The following ITPR1 variants were observed in gnomAD, a reference collection of about 807,000 sequenced individuals.
ITPR1 encodes the protein inositol 1,4,5-trisphosphate receptor type 1, also known as inositol 1,4,5-trisphosphate-gated calcium channel ITPR1.
In ITPR1, 96 loss-of-function variants were observed where a neutral mutation model predicts 318.4. The observed-to-expected ratio is 0.30, with a 90% confidence interval of 0.26 to 0.36. ITPR1 has a LOEUF of 0.36. ITPR1 is among the 10% of genes least tolerant of loss of function. The pLI is 1.00. For synonymous variants in ITPR1, 1,312 were observed against 1,289.9 expected, an observed-to-expected ratio of 1.02 and a Z score of -0.37; for missense variants, 2,440 against 3,460.2, an observed-to-expected ratio of 0.71 and a Z score of 7.40.
At chr3:4,687,855 G>T (rs1266488503) in intron 30 of ITPR1, among the ~76,000 whole-genome samples, 1 of 152,158 alleles carries the variant, frequency 6.6e-6, no homozygotes, top group Non-Finnish European at 1.5e-5. Context: ...GATGATAGAG[G>T]AGTTACGGCA....
intron 34 of ITPR1, among the ~76,000 whole-genome samples, chr3:4,698,061 G>T (rs561777487): frequency 3.3e-5 from 5 of 151,574 alleles, no homozygotes; most frequent in Non-Finnish European, 7.4e-5. Flanking sequence ...ATTTGGTTTT[G>T]CATTGGGCCT....
rs755515541 is a variant in ITPR1, at chr3:4,735,387, C to T, written c.5544+33C>T. The T allele has an allele frequency of 5.8e-6, 9 of 1,563,358 alleles. No individual in the cohort carries two copies. The East Asian group carries it at 1.8e-4, about 31-fold the overall frequency. On this transcript the variant is annotated intron_variant, in intron 44 of 61. Transcript: ENST00000649015. ...GGCAGCTTGGCTACTGGTATGGCAT[C>T]CCTGCTGAGCAGGAGGAGAGTCTGT... is the stretch of plus-strand genomic sequence containing the variant.
intron 3 of ITPR1, among the ~76,000 whole-genome samples, chr3:4,518,170 T>C (rs1428719502): frequency 6.6e-6 from 1 of 152,156 alleles, no homozygotes; most frequent in Non-Finnish European, 1.5e-5. Context: ...CCCTCCTCCT[T>C]GACTGTGCAC....
intron 35 of ITPR1, among the ~76,000 whole-genome samples, chr3:4,700,405 A>C (rs1191227262): frequency 6.6e-6 from 1 of 152,228 alleles, no homozygotes; most frequent in Non-Finnish European, 1.5e-5. Flanking sequence ...ACTGGCACTG[A>C]GTTGCTAATT....
intron 10 of ITPR1, among the ~76,000 whole-genome samples, chr3:4,651,315 G>A (rs2093594464): frequency 6.6e-6 from 1 of 152,160 alleles, no homozygotes; most frequent in Non-Finnish European, 1.5e-5. Context: ...AGTTCTGTAT[G>A]CATTAGTACC....
chr3:4,626,310 A>G (rs913396721), intron 4 of ITPR1, among the ~76,000 whole-genome samples: 2 of 152,216 alleles, frequency 1.3e-5, no homozygotes, highest in African/African-American at 2.4e-5. Flanking sequence ...AGATTAAACA[A>G]TAATGTACCC....
chr3:4,813,138 C>T lies in ITPR1; in HGVS notation c.7469-4C>T, dbSNP rs781760965. On this transcript the variant is annotated splice_region_variant and splice_polypyrimidine_tract_variant and intron_variant, in intron 56 of 61. Transcript: ENST00000649015. The stretch of plus-strand genomic sequence containing the variant: ...TCATCATAAAATTTCCTTCTCTCTC[C>T]CAGAAACCGGCGAGAGTTTGGCAAG... 1 of 1,613,594 alleles carries T rather than the reference C, an allele frequency of 6.2e-7. No homozygotes were observed. Among genetic ancestry groups the T allele is most frequent in the Non-Finnish European group, 8.5e-7 (1 of 1,179,600 alleles).
intron 2 of ITPR1, among the ~76,000 whole-genome samples, chr3:4,499,760 C>T (rs1057155034): frequency 1.3e-5 from 2 of 152,068 alleles, no homozygotes; most frequent in South Asian, 4.1e-4. Context: ...CTTGGGGTAC[C>T]ATAATTTGGT....
At chr3:4,638,805 T>C (rs1002340049) in intron 5 of ITPR1, among the ~76,000 whole-genome samples, 1 of 152,042 alleles carries the variant, frequency 6.6e-6, no homozygotes, top group African/African-American at 2.4e-5. Flanking sequence ...TTGATTACAT[T>C]ATGATTAATG....
chr3:4,649,436 A>G (rs1353935810), intron 10 of ITPR1, among the ~76,000 whole-genome samples: 1 of 152,208 alleles, frequency 6.6e-6, no homozygotes, highest in African/African-American at 2.4e-5. Flanking sequence ...GCCAGGGTTT[A>G]CATTATATGT....
chr3:4,503,261 T>G (rs1262604240), intron 2 of ITPR1, among the ~76,000 whole-genome samples: 1 of 152,104 alleles, frequency 6.6e-6, no homozygotes, highest in Non-Finnish European at 1.5e-5. Flanking sequence ...AATCAGGTAG[T>G]GAAACCAAGC....
chr3:4,736,192 C>A (rs1316652896), intron 44 of ITPR1, among the ~76,000 whole-genome samples: 1 of 151,780 alleles, frequency 6.6e-6, no homozygotes, highest in East Asian at 1.9e-4. Flanking sequence ...TACACATACA[C>A]ACACACATAT....
chr3:4,706,941 T>A (rs1340272800), intron 37 of ITPR1, among the ~76,000 whole-genome samples: 1 of 152,232 alleles, frequency 6.6e-6, no homozygotes, highest in Non-Finnish European at 1.5e-5. Flanking sequence ...CAGTTGATGC[T>A]CTCACAGGTA....
At chr3:4,613,398 T>C (rs1424321918) in intron 4 of ITPR1, among the ~76,000 whole-genome samples, 1 of 152,200 alleles carries the variant, frequency 6.6e-6, no homozygotes, top group African/African-American at 2.4e-5. Context: ...CAGCTTGACT[T>C]TTCCCTTTAG....
intron 4 of ITPR1, among the ~76,000 whole-genome samples, chr3:4,567,607 T>TC (rs1308632384): frequency 7.1e-6 from 1 of 140,792 alleles, no homozygotes; most frequent in Non-Finnish European, 1.5e-5. Flanking sequence ...GAGCTAGTTT[T>TC]TTTTGGTTTC....
In ITPR1 at chr3:4,516,618, G is replaced by C. The variant is rs761720611; in HGVS notation, c.92+35G>C. 11 of 1,261,164 alleles carry C rather than the reference G, an allele frequency of 8.7e-6. No individual in the cohort carries two copies. In the Middle Eastern group the frequency reaches 7.4e-4, roughly 85 times the overall value. 78.1% of individuals were successfully genotyped at this position (1,261,164 alleles called of 1,614,324 possible). On this transcript the variant is annotated intron_variant, in intron 3 of 61. Transcript: ENST00000649015. The stretch of plus-strand genomic sequence containing the variant: ...TGCAATTTCTTGTGTGGCACGGTTT[G>C]TTTAAGACATCATAACATCAGCTTA...
At chr3:4,640,818 C>T (rs2093320425) in intron 6 of ITPR1, among the ~76,000 whole-genome samples, 1 of 152,152 alleles carries the variant, frequency 6.6e-6, no homozygotes, top group African/African-American at 2.4e-5. Flanking sequence ...TTCCCCCAGC[C>T]CTGGATCTTG....
intron 14 of ITPR1, 76 bp downstream of exon 14, chr3:4,661,163 G>C (rs532573380): frequency 1.2e-6 from 1 of 805,080 alleles, no homozygotes; most frequent in Admixed American, 2.1e-5. Context: ...GACAGATCAG[G>C]GAGTATGGAG....
chr3:4,639,510 T>A, intron 6 of ITPR1, 40 bp downstream of exon 6: 1 of 1,405,554 alleles, frequency 7.1e-7, no homozygotes, highest in Non-Finnish European at 9.9e-7. Context: ...GCTGAAGCGT[T>A]ACAAAGAATG....
Sources: gnomAD v4.1 joint callset for allele counts (sites outside exome capture counted in the v4.1 genomes callset) on GRCh38, gnomAD v4.1.1 for gene constraint, MANE v1.5 for transcripts, NCBI Gene and HGNC (gene_info 2026-07-23, HGNC 2026-07-21) for gene names.